The following CHIC1 variants were observed in gnomAD, a reference collection of about 807,000 sequenced individuals.
CHIC1 encodes cysteine-rich hydrophobic domain-containing protein 1.
CHIC1 carries 7 observed loss-of-function variants against 18.5 expected under a neutral mutation model. That is an observed-to-expected ratio of 0.38 (90% CI 0.22 to 0.71). CHIC1 has a LOEUF of 0.71. Among genes scored for constraint, CHIC1 ranks in the 30% least tolerant of loss-of-function variants. The probability of loss-of-function intolerance (pLI) is 0.49; values close to 1 mark genes in which losing one functional copy is unlikely to be tolerated. For synonymous variants in CHIC1, 77 were observed against 73.5 expected (o/e 1.05, Z -0.25); for missense variants, 159 against 176.9 (o/e 0.90, Z 0.57).
At chrX:73,677,396 C>A (rs756456522) in intron 3 of CHIC1, among the ~76,000 whole-genome samples, 1 of 111,995 alleles carries the variant, frequency 8.9e-6, no homozygotes, top group Non-Finnish European at 1.9e-5. Flanking sequence ...TCAAGCTTCC[C>A]GGCTGCTTTG....
At chrX:73,647,204 T>C (rs2057893586) in intron 3 of CHIC1, among the ~76,000 whole-genome samples, 1 of 111,890 alleles carries the variant, frequency 8.9e-6, no homozygotes, top group Admixed American at 9.5e-5. Context: ...CACTTATAAA[T>C]CCATGCCACC....
At chrX:73,636,588 C>A (rs1048333330) in intron 3 of CHIC1, among the ~76,000 whole-genome samples, 12 of 110,833 alleles carry the variant, frequency 1.1e-4, no homozygotes, top group African/African-American at 3.9e-4. Context: ...CTGTTTTGTC[C>A]CTTATTGCTT....
At chrX:73,587,915 T>C (rs972720918) in intron 3 of CHIC1, among the ~76,000 whole-genome samples, 5 of 111,191 alleles carry the variant, frequency 4.5e-5, no homozygotes, top group African/African-American at 1.6e-4. Context: ...TTGAGCCATA[T>C]ATAAGAAAAT....
chrX:73,642,791 T>TG (rs1218328497), intron 3 of CHIC1, among the ~76,000 whole-genome samples: 1 of 108,837 alleles, frequency 9.2e-6, no homozygotes, highest in East Asian at 2.8e-4. Flanking sequence ...CTTTCCCCAT[T>TG]GCTTGTTTTT....
intron 1 of CHIC1, among the ~76,000 whole-genome samples, chrX:73,568,536 A>G (rs1006101873): frequency 8.9e-6 from 1 of 111,780 alleles, no homozygotes; most frequent in East Asian, 2.8e-4. Flanking sequence ...GAATAATATA[A>G]CAGTATCACA....
At chrX:73,668,717 C>G (rs2058016129) in intron 3 of CHIC1, among the ~76,000 whole-genome samples, 1 of 111,791 alleles carries the variant, frequency 8.9e-6, no homozygotes, top group African/African-American at 3.3e-5. Context: ...TCAGCCTATT[C>G]CTCTGGAAGC....
At chrX:73,673,264 G>GT (rs1350569493) in intron 3 of CHIC1, among the ~76,000 whole-genome samples, 4 of 111,676 alleles carry the variant, frequency 3.6e-5, no homozygotes, top group African/African-American at 6.5e-5. Context: ...CTTTAAAGTA[G>GT]TTTTTTCCAA....
chrX:73,600,540 T>A (rs1395445073), intron 3 of CHIC1, among the ~76,000 whole-genome samples: 1 of 108,269 alleles, frequency 9.2e-6, no homozygotes, highest in African/African-American at 3.6e-5. Flanking sequence ...GTTTTTAGCA[T>A]GAAGGGTTGT....
chrX:73,604,612 G>A (rs1242005591), intron 3 of CHIC1, among the ~76,000 whole-genome samples: 3 of 108,415 alleles, frequency 2.8e-5, no homozygotes, highest in African/African-American at 1.1e-4. Flanking sequence ...ATGAATTTTA[G>A]ATTTTTCCTG....
At position 73,643,319 on chromosome X, in the gene CHIC1, C is replaced by T. The variant is rs2057868712; in HGVS notation, c.508-36007C>T. On this transcript the variant is annotated intron_variant, in intron 3 of 5. Coordinates refer to ENST00000373502, the MANE Select transcript of CHIC1 (RefSeq NM_001039840.4). ...CTTAACATTTTTTCCTTCATTTCAA[C>T]TTTGGTGAATCTGACAATTACGTGT... is the stretch of plus-strand genomic sequence containing the variant. Among the ~76,000 whole-genome samples the T allele has an allele frequency of 1.9e-5, 2 of 107,714 alleles. 1 individual carries two copies. Among genetic ancestry groups the T allele is most frequent in the Middle Eastern group, 8.7e-3 (2 of 231 alleles). The allele number at this position is 107,714 out of a possible 115,157, so 93.5% of individuals were successfully genotyped here.
At chrX:73,592,792 C>T (rs768334774) in intron 3 of CHIC1, among the ~76,000 whole-genome samples, 3 of 110,425 alleles carry the variant, frequency 2.7e-5, no homozygotes, top group Non-Finnish European at 1.9e-5. Flanking sequence ...AGCTCTTCTT[C>T]GTACTTCTGG....
At chrX:73,622,013 T>C (rs2057762706) in intron 3 of CHIC1, among the ~76,000 whole-genome samples, 1 of 112,430 alleles carries the variant, frequency 8.9e-6, no homozygotes, top group Non-Finnish European at 1.9e-5. Context: ...GATTTGCATA[T>C]GCTGAACCAG....
chrX:73,587,654 G>A (rs1303096472), intron 3 of CHIC1, among the ~76,000 whole-genome samples: 2 of 111,263 alleles, frequency 1.8e-5, no homozygotes, highest in Non-Finnish European at 3.8e-5. Flanking sequence ...AGAAACAAAT[G>A]CCCCATCCAT....
At chrX:73,632,252 A>G (rs1463530024) in intron 3 of CHIC1, among the ~76,000 whole-genome samples, 1 of 111,802 alleles carries the variant, frequency 8.9e-6, no homozygotes, top group African/African-American at 3.3e-5. Flanking sequence ...CTTGTGACAG[A>G]TTGTGACTGA....
intron 3 of CHIC1, among the ~76,000 whole-genome samples, chrX:73,661,130 T>A (rs776152486): frequency 5.7e-4 from 64 of 111,942 alleles, no homozygotes; most frequent in Non-Finnish European, 1.1e-3. Flanking sequence ...GTTGAAATTG[T>A]GAGCTGGCAT....
intron 1 of CHIC1, among the ~76,000 whole-genome samples, chrX:73,569,437 A>C: frequency 9.0e-6 from 1 of 111,689 alleles, no homozygotes; most frequent in Non-Finnish European, 1.9e-5. Context: ...TGAAGAAAAT[A>C]CAATTATTGA....
At chrX:73,662,166 G>A (rs893470864) in intron 3 of CHIC1, among the ~76,000 whole-genome samples, 3 of 110,667 alleles carry the variant, frequency 2.7e-5, no homozygotes, top group African/African-American at 9.9e-5. Flanking sequence ...TAATCAGAAA[G>A]TGCTATTTGC....
rs1170536398 is a variant in CHIC1, at chrX:73,650,552, C to G, written c.508-28774C>G. ...TATCCTCAGAGAATACTATAAACAC[C>G]TCTCCACAAATAAACTAGAAAATCT... On this transcript the variant is annotated intron_variant, in intron 3 of 5. Coordinates refer to ENST00000373502, the MANE Select transcript of CHIC1 (RefSeq NM_001039840.4). 4.5e-5 allele frequency among the ~76,000 whole-genome samples: 5 copies of G among 110,526 alleles called. No individual in the cohort carries two copies. In the Admixed American group the frequency reaches 4.8e-4, roughly 11 times the overall value.
At chrX:73,675,080 T>C (rs2058054353) in intron 3 of CHIC1, among the ~76,000 whole-genome samples, 1 of 112,303 alleles carries the variant, frequency 8.9e-6, no homozygotes. Flanking sequence ...TCTAGTTTGA[T>C]TGCACTGTGG....
Sources: allele counts gnomAD v4.1 joint callset (sites outside exome capture counted in the v4.1 genomes callset), GRCh38; gene constraint gnomAD v4.1.1; transcripts MANE v1.5; gene names NCBI Gene and HGNC (gene_info 2026-07-23, HGNC 2026-07-21).